SLK: variants seen among roughly 807,000 people sequenced by gnomAD.
The protein encoded by SLK is STE20-like serine/threonine-protein kinase.
Under a neutral mutation model 147.7 loss-of-function variants are expected in SLK, and 67 were observed. That is an observed-to-expected ratio of 0.45 (90% confidence interval 0.37 to 0.56). The LOEUF (loss-of-function observed/expected upper bound fraction) is 0.56, where lower values mean the gene tolerates loss of function less well. Among genes scored for constraint, SLK ranks in the 20% least tolerant of loss-of-function variants. SLK has a pLI of 0.00. For missense variants in SLK, 1,136 were observed against 1,438.8 expected (o/e 0.79, Z 3.41); for synonymous variants, 441 against 475.0 (o/e 0.93, Z 0.93).
intron 4 of SLK, among the ~76,000 whole-genome samples, chr10:103,996,981 T>C (rs970440970): frequency 6.6e-6 from 1 of 152,182 alleles, no homozygotes; most frequent in Non-Finnish European, 1.5e-5. Context: ...TGGTATTAAG[T>C]ACATTCCCAT....
rs1318796785 is a variant in SLK, at chr10:104,028,256, T to C, written c.*2536T>C. Reference sequence around the variant, plus strand: ...ATGCCATGAAACACATACAGACTTCTCCGAACGTGCACCCTCATCAGCCAC... The same window carrying C: ...ATGCCATGAAACACATACAGACTTCCCCGAACGTGCACCCTCATCAGCCAC... On this transcript the variant is annotated 3_prime_UTR_variant, in exon 19 of 19. Transcript: ENST00000369755. The C allele has an allele frequency of 6.6e-6, 1 of 152,210 alleles. No individual in the cohort carries two copies. The highest frequency in any genetic ancestry group is 2.4e-5 in the African/African-American group (1 of 41,424). 9.4% of individuals were successfully genotyped at this position (152,210 alleles called of 1,614,324 possible).
At chr10:104,016,117 GACCATCCTGGCT>G (rs1270318991) in intron 13 of SLK, among the ~76,000 whole-genome samples, 4 of 152,098 alleles carry the variant, frequency 2.6e-5, no homozygotes, top group Non-Finnish European at 1.5e-5. Flanking sequence ...AGGAGATCAA[GACCATCCTGGCT>G]ACCACGGTGA....
intron 8 of SLK, among the ~76,000 whole-genome samples, 162 bp from the exon 9 acceptor site, chr10:104,002,010 C>T (rs536670222): frequency 3.0e-4 from 45 of 152,232 alleles, no homozygotes; most frequent in Non-Finnish European, 1.6e-4. Context: ...GCCACCGCAC[C>T]CGGCCCATTT....
chr10:104,011,429 T>A (rs939258365), intron 13 of SLK, among the ~76,000 whole-genome samples: 12 of 152,256 alleles, frequency 7.9e-5, no homozygotes, highest in African/African-American at 2.7e-4. Flanking sequence ...ATTTTAAATA[T>A]TAAGTACCTT....
Position 103,967,223 on chromosome 10 carries a change from G to T in SLK, c.-523G>T. 1 of 152,158 alleles carries T rather than the reference G, an allele frequency of 6.6e-6. No individual in the cohort carries two copies. Among genetic ancestry groups the T allele is most frequent in the South Asian group, 2.0e-4 (1 of 4,948 alleles). 9.4% of individuals were successfully genotyped at this position (152,158 alleles called of 1,614,324 possible). A position where few individuals can be genotyped will look rare whatever the true frequency, so the allele number is the denominator to read the frequency against. The stretch of plus-strand genomic sequence containing the variant: ...GCGGCGGCGGCGGCGCCCCAGACCC[G>T]AGGGGACGCGCGGGCCTTGCGCCGC... On this transcript the variant is annotated 5_prime_UTR_variant, in exon 1 of 19. Transcript: ENST00000369755.
intron 1 of SLK, among the ~76,000 whole-genome samples, chr10:103,968,522 G>A (rs7097109): frequency 0.81 from 122,501 of 152,166 alleles, 49,470 homozygotes; most frequent in East Asian, 0.9. Context: ...CGCTTAAGCA[G>A]TTAAAAACAC....
intron 1 of SLK, among the ~76,000 whole-genome samples, chr10:103,982,268 T>G (rs1001534611): frequency 4.6e-5 from 7 of 152,220 alleles, no homozygotes; most frequent in African/African-American, 1.7e-4. Flanking sequence ...TATTACACAG[T>G]TGTGTTTGTT....
At chr10:103,968,529 A>C (rs1843749008) in intron 1 of SLK, among the ~76,000 whole-genome samples, 1 of 152,222 alleles carries the variant, frequency 6.6e-6, no homozygotes, top group Non-Finnish European at 1.5e-5. Flanking sequence ...GCAGTTAAAA[A>C]CACACACGCA....
Position 104,028,874 on chromosome 10 carries a change from CTT to C in SLK, c.*3157_*3158del, listed in dbSNP as rs1844631280. 6.6e-6 allele frequency: 1 copy of C among 152,276 alleles called. No homozygotes were observed. Among genetic ancestry groups the C allele is most frequent in the African/African-American group, 2.4e-5 (1 of 41,540 alleles). 9.4% of individuals were successfully genotyped at this position (152,276 alleles called of 1,614,324 possible). Reference sequence around the variant, plus strand: ...AGAAGAGAGTTCCAGTTCTAATAGTCTTTTGATTAACAATTCTTTTCTGAGAA... The same window carrying C: ...AGAAGAGAGTTCCAGTTCTAATAGTCTTGATTAACAATTCTTTTCTGAGAA... On this transcript the variant is annotated 3_prime_UTR_variant, in exon 19 of 19. Coordinates refer to ENST00000369755, the MANE Select transcript of SLK (RefSeq NM_014720.4).
intron 3 of SLK, 130 bp from the exon 4 acceptor site, chr10:103,992,851 GATA>G (rs1002455642): frequency 1.1e-5 from 5 of 458,696 alleles, no homozygotes; most frequent in Non-Finnish European, 1.8e-5. Flanking sequence ...GATCTTTGTA[GATA>G]TAGTTCTTTT....
At chr10:104,010,244 G>A (rs1316223156) in intron 12 of SLK, among the ~76,000 whole-genome samples, 3 of 152,102 alleles carry the variant, frequency 2.0e-5, no homozygotes, top group Non-Finnish European at 2.9e-5. Context: ...TTACCACACC[G>A]TGTATAAAAT....
chr10:104,004,721 C>G (rs1450116896), intron 9 of SLK, among the ~76,000 whole-genome samples: 1 of 152,328 alleles, frequency 6.6e-6, no homozygotes, highest in East Asian at 1.9e-4. Flanking sequence ...CCTCTGCCTT[C>G]TAACCCTTTC....
chr10:103,998,240 T>C (rs1844200862), intron 4 of SLK, among the ~76,000 whole-genome samples: 1 of 152,216 alleles, frequency 6.6e-6, no homozygotes, highest in Non-Finnish European at 1.5e-5. Context: ...TGGTACTTAT[T>C]CAACTTTGAG....
chr10:104,010,741 G>T, intron 12 of SLK, 75 bp from the exon 13 acceptor site: 1 of 887,376 alleles, frequency 1.1e-6, no homozygotes, highest in Non-Finnish European at 1.6e-6. Context: ...TTGACTTGTA[G>T]CTTATCTGCT....
intron 17 of SLK, 66 bp from the exon 18 acceptor site, chr10:104,021,554 T>C (rs1844534132): frequency 1.2e-6 from 1 of 806,946 alleles, no homozygotes; most frequent in Admixed American, 2.2e-5. Context: ...TTATGGAAGA[T>C]AATTGTATTT....
chr10:103,971,638 A>T (rs915440118), intron 1 of SLK, among the ~76,000 whole-genome samples: 7 of 152,232 alleles, frequency 4.6e-5, no homozygotes, highest in African/African-American at 1.7e-4. Flanking sequence ...ATTGAATTGC[A>T]TTTCTAGAAA....
At position 104,025,631 on chromosome 10, in the gene SLK, A is replaced by G. The variant is rs1417757322; in HGVS notation, c.3619A>G (p.Thr1207Ala). 1.9e-6 allele frequency: 3 copies of G among 1,613,740 alleles called. No individual in the cohort carries two copies. The highest frequency in any genetic ancestry group is 3.3e-5 in the Admixed American group (2 of 60,012). ...GGAACAGGAAGTATTCTTTAAAATGACTGGGGAGTCTGAATGCCTTAACCC... is the reference window on the plus strand; with the variant it reads ...GGAACAGGAAGTATTCTTTAAAATGGCTGGGGAGTCTGAATGCCTTAACCC... ...LQEQEVFFKM[T>A]GESECLNPST... The change falls in exon 19 of 19, where the codon ACT becomes GCT. Residue 1207 changes from threonine to alanine, a missense_variant. Thr to Ala is a moderately conservative substitution (Grantham distance 58). Transcript: ENST00000369755.
At chr10:103,987,704 T>G in intron 1 of SLK, among the ~76,000 whole-genome samples, 1 of 152,242 alleles carries the variant, frequency 6.6e-6, no homozygotes, top group Non-Finnish European at 1.5e-5. Flanking sequence ...TTTTAAGATC[T>G]GATTCCTAAC....
chr10:104,003,405 C>G lies in SLK; in HGVS notation c.2227C>G (p.Pro743Ala), dbSNP rs1455007674. 2.5e-6 allele frequency: 4 copies of G among 1,613,836 alleles called. No individual in the cohort carries two copies. Among genetic ancestry groups the G allele is most frequent in the Non-Finnish European group, 3.4e-6 (4 of 1,179,938 alleles). The change falls in exon 9 of 19, where the codon CCA (proline) becomes GCA (alanine). Residue 743 changes from proline (P) to alanine (A), a missense_variant. Physicochemically the swap from Pro to Ala is conservative, Grantham distance 27 (BLOSUM62 -1). Around this residue, in one of 6 missense-constraint regions of SLK, gnomAD observed 516 missense variants for 531.3 expected, o/e 0.97. Transcript: ENST00000369755. ...TATTCTGCCACCAGAATCTGAGAAT[C>G]CAAAGGAAAATGATAATGATTCAGG... ...ETILPPESENPKENDNDSGTG... is the reference protein window; with the variant it reads ...ETILPPESENAKENDNDSGTG...
Sources: allele counts gnomAD v4.1 joint callset (sites outside exome capture counted in the v4.1 genomes callset), GRCh38; gene constraint gnomAD v4.1.1; regional missense constraint gnomAD v4.1.1; transcripts MANE v1.5; gene names NCBI Gene and HGNC (gene_info 2026-07-23, HGNC 2026-07-21).